LIN52: variants seen among roughly 807,000 people sequenced by gnomAD.
LIN52 encodes the protein protein lin-52 homolog.
In LIN52, 4 loss-of-function variants were observed where a neutral mutation model predicts 18.5. The ratio of observed to expected loss-of-function variants is 0.22; its 90% CI spans 0.11 to 0.49. LIN52 has a LOEUF of 0.49. Ranked by LOEUF, LIN52 falls within the 20% of genes least tolerant of loss-of-function variation. LIN52 has a pLI of 0.97. For missense variants in LIN52, 102 were observed against 139.5 expected (o/e 0.73, Z 1.35); for synonymous variants, 34 against 45.5 (o/e 0.75, Z 1.02).
At chr14:74,138,883 G>T (rs377179273) in intron 5 of LIN52, among the ~76,000 whole-genome samples, 1 of 151,418 alleles carries the variant, frequency 6.6e-6, no homozygotes, top group African/African-American at 2.4e-5. Flanking sequence ...ATGATAAAGT[G>T]CAACCATATA....
intron 5 of LIN52, chr14:74,174,701 C>G (rs1397612355): frequency 6.6e-6 from 1 of 151,880 alleles, no homozygotes; most frequent in Admixed American, 6.6e-5. Context: ...GGGATCATGC[C>G]TGTGAATAGC....
chr14:74,139,167 T>C (rs2061115211), intron 5 of LIN52, among the ~76,000 whole-genome samples: 1 of 152,220 alleles, frequency 6.6e-6, no homozygotes, highest in Admixed American at 6.5e-5. Flanking sequence ...TAAGCAGCCT[T>C]CCTGGAAGTC....
intron 3 of LIN52, among the ~76,000 whole-genome samples, chr14:74,096,514 T>C (rs2060814382): frequency 6.6e-6 from 1 of 151,928 alleles, no homozygotes; most frequent in South Asian, 2.1e-4. Flanking sequence ...TTTTTTTTAA[T>C]GTGAAAAAAA....
At chr14:74,147,710 T>G (rs757261502) in intron 5 of LIN52, among the ~76,000 whole-genome samples, 1 of 152,194 alleles carries the variant, frequency 6.6e-6, no homozygotes, top group African/African-American at 2.4e-5. Flanking sequence ...GACATTATGC[T>G]AAGTGAAATA....
Position 74,094,989 on chromosome 14 carries a change from T to TA in LIN52, c.95-959_95-958insA, listed in dbSNP as rs1235439894. The stretch of plus-strand genomic sequence containing the variant: ...GCAAAGATGTTATTTTAATTATATA[T>TA]TTTTTTTAGAGACAGAGGCTCATCC... On this transcript the variant is annotated intron_variant, in intron 2 of 5. Transcript: ENST00000555028. 2.6e-4 allele frequency among the ~76,000 whole-genome samples: 39 copies of TA among 150,134 alleles called. 1 individual carries two copies. The highest frequency in any genetic ancestry group is 8.3e-4 in the African/African-American group (34 of 40,914).
intron 5 of LIN52, among the ~76,000 whole-genome samples, chr14:74,182,197 A>G (rs769085046): frequency 3.3e-5 from 5 of 151,998 alleles, no homozygotes; most frequent in Non-Finnish European, 7.4e-5. Flanking sequence ...TTTTTTGTGG[A>G]GAGGGGGTTT....
At chr14:74,103,198 C>T (rs2060871213) in intron 5 of LIN52, among the ~76,000 whole-genome samples, 1 of 152,124 alleles carries the variant, frequency 6.6e-6, no homozygotes, top group Admixed American at 6.6e-5. Flanking sequence ...CCTCCCTCAG[C>T]CTCCTAAGTA....
At chr14:74,138,382 TAG>T (rs2061109850) in intron 5 of LIN52, among the ~76,000 whole-genome samples, 1 of 152,174 alleles carries the variant, frequency 6.6e-6, no homozygotes, top group Non-Finnish European at 1.5e-5. Flanking sequence ...TGTAACAGAC[TAG>T]AGAGATGAGT....
chr14:74,116,785 T>C (rs1237083598), intron 5 of LIN52, among the ~76,000 whole-genome samples: 1 of 148,266 alleles, frequency 6.7e-6, no homozygotes, highest in Non-Finnish European at 1.5e-5. Flanking sequence ...TATATAAGGA[T>C]AATAGCAAGT....
intron 5 of LIN52, among the ~76,000 whole-genome samples, chr14:74,119,997 G>A (rs2060990339): frequency 6.6e-6 from 1 of 151,896 alleles, no homozygotes; most frequent in Non-Finnish European, 1.5e-5. Context: ...TACCACGTGT[G>A]CCTAATTTTT....
chr14:74,185,548 C>T (rs762773639), intron 5 of LIN52, among the ~76,000 whole-genome samples: 2 of 151,986 alleles, frequency 1.3e-5, no homozygotes, highest in East Asian at 1.9e-4. Context: ...CTCCTGACCT[C>T]GTGATCTGCC....
chr14:74,097,829 G>C lies in LIN52; in HGVS notation c.168G>C (p.Glu56Asp), dbSNP rs1332140393. The change falls in exon 4 of 6, where the codon GAG (glutamate) becomes GAC (aspartate). Residue 56 changes from glutamate (E) to aspartate (D), a missense_variant. Coordinates refer to ENST00000555028, the MANE Select transcript of LIN52 (RefSeq NM_001024674.3). Reference sequence around the variant, plus strand: ...GTTCTCCACCCAAATGGATGGCTGAGATAGAACGTGATGACATCGACATGT... The same window carrying C: ...GTTCTCCACCCAAATGGATGGCTGACATAGAACGTGATGACATCGACATGT... Reference protein sequence around the residue: ...ITSSPPKWMAEIERDDIDMLK... With the variant: ...ITSSPPKWMADIERDDIDMLK... The C allele has an allele frequency of 1.9e-6, 3 of 1,613,262 alleles. No individual in the cohort carries two copies. Among genetic ancestry groups the C allele is most frequent in the Admixed American group, 1.7e-5 (1 of 60,004 alleles).
chr14:74,117,487 G>T (rs1178822835), intron 5 of LIN52, among the ~76,000 whole-genome samples: 2 of 151,050 alleles, frequency 1.3e-5, no homozygotes, highest in Non-Finnish European at 2.9e-5. Flanking sequence ...TTTTTGGCGG[G>T]GGGGCTTTGA....
chr14:74,119,935 A>T (rs575885407), intron 5 of LIN52, among the ~76,000 whole-genome samples: 40 of 151,754 alleles, frequency 2.6e-4, no homozygotes, highest in Non-Finnish European at 5.0e-4. Flanking sequence ...TCCTGGGTTC[A>T]AGCGATTCTC....
intron 5 of LIN52, among the ~76,000 whole-genome samples, chr14:74,103,146 T>C (rs2060870631): frequency 6.6e-6 from 1 of 152,186 alleles, no homozygotes; most frequent in Admixed American, 6.5e-5. Context: ...TGGTGCAATC[T>C]CGGCTCACGG....
In LIN52 at chr14:74,158,117, A is replaced by AT. The variant is rs200413319; in HGVS notation, c.284-40804dup. ...TCTATCATCACTGCTATATATATATATATATATATTTTTTTGAGATAGAGT... is the reference window on the plus strand; with the variant it reads ...TCTATCATCACTGCTATATATATATATTATATATATTTTTTTGAGATAGAGT... On this transcript the variant is annotated intron_variant, in intron 5 of 5. Transcript: ENST00000555028. Among the ~76,000 whole-genome samples, 489 of 62,682 alleles carry AT rather than the reference A, an allele frequency of 7.8e-3. 9 individuals are homozygous for AT. In the East Asian group the frequency reaches 0.11, roughly 15 times the overall value. The allele number at this position is 62,682 out of a possible 152,430, so 41.1% of individuals were successfully genotyped here.
chr14:74,113,970 C>CTT, intron 5 of LIN52: 8 of 170,894 alleles, frequency 4.7e-5, no homozygotes, highest in Non-Finnish European at 8.0e-5. Context: ...TCTTTCTTTT[C>CTT]TTTTTTTTTT....
chr14:74,181,175 TCACACCTGTAATCC>T (rs1749545609), intron 5 of LIN52, among the ~76,000 whole-genome samples: 1 of 149,708 alleles, frequency 6.7e-6, no homozygotes, highest in South Asian at 2.1e-4. Flanking sequence ...TTGCAGTGGC[TCACACCTGTAATCC>T]CAGCATTTTG....
intron 5 of LIN52, among the ~76,000 whole-genome samples, chr14:74,155,066 C>G (rs184947195): frequency 6.6e-6 from 1 of 152,200 alleles, no homozygotes; most frequent in Admixed American, 6.5e-5. Context: ...TTATGTGGAC[C>G]CAAATCCTGT....
Sources: gnomAD v4.1 joint callset for allele counts (sites outside exome capture counted in the v4.1 genomes callset) on GRCh38, gnomAD v4.1.1 for gene constraint, MANE v1.5 for transcripts, NCBI Gene and HGNC (gene_info 2026-07-23, HGNC 2026-07-21) for gene names.